The following POLGARF variants were observed in gnomAD, a reference collection of about 807,000 sequenced individuals.
POLGARF encodes the protein POLG alternative reading frame.
At chr15:89,333,283 A>C in the POLGARF span, 1 of 1,558,306 alleles carries the variant, frequency 6.4e-7, no homozygotes, top group Non-Finnish European at 8.7e-7. Context: ...TGGGCCTGCA[A>C]CAGCAAGTTG....
chr15:89,333,341 G>C, the POLGARF span: 4 of 1,564,978 alleles, frequency 2.6e-6, no homozygotes, highest in Non-Finnish European at 3.5e-6. Flanking sequence ...GGAGGCGGAA[G>C]TGCTGGTCCA....
the POLGARF span, among the ~76,000 whole-genome samples, chr15:89,331,049 T>G: frequency 6.6e-6 from 1 of 152,210 alleles, no homozygotes; most frequent in African/African-American, 2.4e-5. Context: ...CACAGATTAT[T>G]CTAAACAATC....
chr15:89,333,515 C>G, the POLGARF span: 7 of 1,612,866 alleles, frequency 4.3e-6, no homozygotes, highest in Non-Finnish European at 5.9e-6. Context: ...GCAGCCCTCT[C>G]GAGAGCATCT....
the POLGARF span, chr15:89,333,608 C>T: frequency 1.3e-6 from 2 of 1,593,432 alleles, no homozygotes; most frequent in Non-Finnish European, 1.7e-6. Context: ...GCTGCTGCTG[C>T]TGCTGCTGCT....
the POLGARF span, chr15:89,332,960 T>C: frequency 8.6e-7 from 1 of 1,168,048 alleles, no homozygotes; most frequent in Non-Finnish European, 1.2e-6. Flanking sequence ...AACAGGGGTC[T>C]AGTCCTAATT....
the POLGARF span, chr15:89,333,764 A>C: frequency 6.5e-7 from 1 of 1,535,018 alleles, no homozygotes; most frequent in Non-Finnish European, 8.7e-7. Flanking sequence ...TGGTTGGTGC[A>C]GGGACCCCCA....
the POLGARF span, chr15:89,330,385 G>A: frequency 8.0e-6 from 7 of 877,958 alleles, no homozygotes; most frequent in African/African-American, 5.0e-5. Context: ...TTGGCAGCTG[G>A]GGACACAAGT....
At chr15:89,333,359 C>T in the POLGARF span, 1 of 1,573,000 alleles carries the variant, frequency 6.4e-7, no homozygotes, top group Non-Finnish European at 8.6e-7. Context: ...CCAGGTTGTC[C>T]CCGTAGAGGG....
the POLGARF span, chr15:89,333,631 G>C: frequency 6.3e-7 from 1 of 1,594,256 alleles, no homozygotes; most frequent in Non-Finnish European, 8.5e-7. Flanking sequence ...TGCTGCTGCC[G>C]CCGCCGCTGC....
At chr15:89,333,379 G>T in the POLGARF span, 1 of 1,581,500 alleles carries the variant, frequency 6.3e-7, no homozygotes, top group Non-Finnish European at 8.6e-7. Context: ...GGCGGCAGGC[G>T]CAGCTCCACG....
chr15:89,333,344 C>T, the POLGARF span: 1 of 1,565,708 alleles, frequency 6.4e-7, no homozygotes, highest in Non-Finnish European at 8.6e-7. Context: ...GGCGGAAGTG[C>T]TGGTCCAGGT....
At chr15:89,330,231 C>T in the POLGARF span, 2 of 1,613,190 alleles carry the variant, frequency 1.2e-6, no homozygotes, top group Non-Finnish European at 1.7e-6. Flanking sequence ...GCTGGCTGGT[C>T]CAAGAGTAAC....
At chr15:89,331,109 C>T in the POLGARF span, among the ~76,000 whole-genome samples, 1 of 151,338 alleles carries the variant, frequency 6.6e-6, no homozygotes, top group Admixed American at 6.6e-5. Context: ...GTGGACAACA[C>T]AGCTGCGAAG....
At chr15:89,330,879 G>A in the POLGARF span, among the ~76,000 whole-genome samples, 41 of 143,018 alleles carry the variant, frequency 2.9e-4, no homozygotes, top group Admixed American at 9.7e-4. Context: ...GCCAGAATGA[G>A]AAAATGTATG....
chr15:89,333,447 C>G, the POLGARF span: 16 of 1,610,238 alleles, frequency 9.9e-6, no homozygotes, highest in Non-Finnish European at 1.3e-5. Flanking sequence ...GTGCTCGACG[C>G]TGCGGCGCAC....
At chr15:89,333,232 A>T in the POLGARF span, 1 of 1,579,540 alleles carries the variant, frequency 6.3e-7, no homozygotes, top group Non-Finnish European at 8.6e-7. Flanking sequence ...TACCGGGTCC[A>T]GCCCTCCGCC....
the POLGARF span, among the ~76,000 whole-genome samples, chr15:89,330,915 G>A: frequency 6.6e-6 from 1 of 152,114 alleles, no homozygotes; most frequent in Non-Finnish European, 1.5e-5. Context: ...TGGGGTGGGA[G>A]GGATAGGGGA....
At chr15:89,333,664 G>A in the POLGARF span, 16 of 1,561,018 alleles carry the variant, frequency 1.0e-5, no homozygotes, top group Non-Finnish European at 1.3e-5. Context: ...TCGGACGCGG[G>A]GACGGAGCTG....
the POLGARF span, among the ~76,000 whole-genome samples, chr15:89,332,577 G>C: frequency 6.7e-6 from 1 of 149,030 alleles, no homozygotes; most frequent in Non-Finnish European, 1.5e-5. Context: ...CACCTCAAGG[G>C]GGCGTCTGGA....
Sources: gnomAD v4.1 joint callset for allele counts (sites outside exome capture counted in the v4.1 genomes callset) on GRCh38, gnomAD v4.1.1 for gene constraint, MANE v1.5 for transcripts, NCBI Gene and HGNC (gene_info 2026-07-23, HGNC 2026-07-21) for gene names.